NFIB: variants seen among roughly 807,000 people sequenced by gnomAD.
The protein encoded by NFIB is nuclear factor I B.
NFIB carries 11 observed loss-of-function variants against 61.5 expected under a neutral mutation model. That is an observed-to-expected ratio of 0.18 (90% CI 0.11 to 0.30). NFIB has a LOEUF of 0.30. Ranked by LOEUF, NFIB falls within the 10% of genes least tolerant of loss-of-function variation. The pLI, the probability that NFIB is intolerant of heterozygous loss-of-function variation, is 1.00. For missense variants in NFIB, 471 were observed against 608.9 expected, an observed-to-expected ratio of 0.77 and a Z score of 2.38; for synonymous variants, 260 against 216.5, an observed-to-expected ratio of 1.20 and a Z score of -1.76.
intron 1 of NFIB, among the ~76,000 whole-genome samples, chr9:14,395,778 T>G (rs2061678448): frequency 7.9e-6 from 1 of 126,828 alleles, no homozygotes; most frequent in South Asian, 2.9e-4. Flanking sequence ...CATCCCAGAA[T>G]GCCTCATTTG....
chr9:14,126,724 T>C (rs1440267206), intron 6 of NFIB, among the ~76,000 whole-genome samples: 1 of 152,314 alleles, frequency 6.6e-6, no homozygotes, highest in African/African-American at 2.4e-5. Flanking sequence ...AGAAACGCCA[T>C]AGATGGGCAA....
At chr9:14,142,313 T>C (rs1008631283) in intron 6 of NFIB, among the ~76,000 whole-genome samples, 3 of 152,158 alleles carry the variant, frequency 2.0e-5, no homozygotes, top group Non-Finnish European at 4.4e-5. Context: ...AGGAGTTCCC[T>C]GCACAAGCTC....
At chr9:14,267,641 G>A (rs1468801622) in intron 2 of NFIB, among the ~76,000 whole-genome samples, 4 of 152,024 alleles carry the variant, frequency 2.6e-5, no homozygotes, top group East Asian at 1.9e-4. Context: ...TAACACAATC[G>A]GAAATGACTT....
At chr9:14,182,708 C>CTCTCTCTGTGTGTGTGTGTGTG (rs778914837) in intron 2 of NFIB, among the ~76,000 whole-genome samples, 1 of 96,996 alleles carries the variant, frequency 1.0e-5, no homozygotes, top group African/African-American at 4.4e-5. Flanking sequence ...CTCTCTCTCT[C>CTCTCTCTGTGTGTGTGTGTGTG]TGTGTGTGTG....
intron 2 of NFIB, among the ~76,000 whole-genome samples, chr9:14,225,026 T>C (rs1476751791): frequency 6.6e-6 from 1 of 152,130 alleles, no homozygotes; most frequent in Non-Finnish European, 1.5e-5. Flanking sequence ...TCAAGGCTTA[T>C]TCATCCTACA....
chr9:14,493,665 T>C, the NFIB span, among the ~76,000 whole-genome samples: 2 of 152,218 alleles, frequency 1.3e-5, no homozygotes, highest in Non-Finnish European at 1.5e-5. Context: ...GTTTCTTGCA[T>C]GAATATTGAC....
the NFIB span, among the ~76,000 whole-genome samples, chr9:14,447,850 T>A: frequency 4.6e-5 from 7 of 152,216 alleles, no homozygotes; most frequent in South Asian, 2.1e-4. Context: ...AGGCTGAAAG[T>A]TCTTTTCTTT....
At chr9:14,404,141 G>A in the NFIB span, among the ~76,000 whole-genome samples, 19 of 152,252 alleles carry the variant, frequency 1.2e-4, no homozygotes, top group Non-Finnish European at 2.6e-4. Flanking sequence ...AACTAGGCAG[G>A]AGACACTCCT....
chr9:14,492,406 AAG>A, the NFIB span, among the ~76,000 whole-genome samples: 1 of 148,922 alleles, frequency 6.7e-6, no homozygotes, highest in Non-Finnish European at 1.5e-5. Flanking sequence ...AAAAAATAAA[AAG>A]AAATAAATAA....
rs138320550 is a variant in NFIB, at chr9:14,300,857, T to A, written c.562+6132A>T. 1.5e-4 allele frequency among the ~76,000 whole-genome samples: 23 copies of A among 152,300 alleles called. No individual in the cohort carries two copies. In the East Asian group the frequency reaches 4.4e-3, roughly 29 times the overall value. ...ATAGCCTACCAGTCTAGTTTTTCAG[T>A]TTAATCTGGCTGAGTGAGAGCTTAT... On this transcript the variant is annotated intron_variant, in intron 2 of 10. Transcript: ENST00000380953.
At chr9:14,408,217 C>A in the NFIB span, among the ~76,000 whole-genome samples, 1 of 152,160 alleles carries the variant, frequency 6.6e-6, no homozygotes, top group South Asian at 2.1e-4. Flanking sequence ...CCTCATGGAT[C>A]TGGAACTGGA....
intron 2 of NFIB, among the ~76,000 whole-genome samples, chr9:14,230,526 C>T (rs937300251): frequency 1.3e-5 from 2 of 152,094 alleles, no homozygotes; most frequent in Non-Finnish European, 2.9e-5. Flanking sequence ...TAGTCTATAT[C>T]CAAATGAACC....
At chr9:14,518,822 C>G in the NFIB span, among the ~76,000 whole-genome samples, 1 of 152,120 alleles carries the variant, frequency 6.6e-6, no homozygotes, top group African/African-American at 2.4e-5. Flanking sequence ...TCTCCAGGAA[C>G]CTCAGGCCAT....
intron 2 of NFIB, among the ~76,000 whole-genome samples, chr9:14,215,148 G>A (rs2050723994): frequency 7.0e-6 from 1 of 141,890 alleles, no homozygotes; most frequent in African/African-American, 3.1e-5. Context: ...GTGCTTAGCA[G>A]AGCAAGAAAT....
chr9:14,189,946 T>C (rs541698492), intron 2 of NFIB, among the ~76,000 whole-genome samples: 1 of 152,124 alleles, frequency 6.6e-6, no homozygotes, highest in Non-Finnish European at 1.5e-5. Context: ...TTTTTAAGTT[T>C]CTACAACCTC....
the NFIB span, among the ~76,000 whole-genome samples, chr9:14,500,094 A>C: frequency 2.6e-5 from 4 of 152,176 alleles, no homozygotes; most frequent in African/African-American, 7.2e-5. Context: ...CTCTCCTGCC[A>C]GTCACACTGG....
At chr9:14,292,595 C>T (rs1035955392) in intron 2 of NFIB, among the ~76,000 whole-genome samples, 2 of 152,170 alleles carry the variant, frequency 1.3e-5, no homozygotes, top group Non-Finnish European at 2.9e-5. Context: ...TAGGCCAATT[C>T]TCTTCCCTGA....
chr9:14,265,760 T>C (rs1177725508), intron 2 of NFIB, among the ~76,000 whole-genome samples: 1 of 152,198 alleles, frequency 6.6e-6, no homozygotes, highest in Non-Finnish European at 1.5e-5. Context: ...CATCAAGCAT[T>C]GAGCTACATG....
At chr9:14,204,089 C>G (rs923279199) in intron 2 of NFIB, among the ~76,000 whole-genome samples, 2 of 152,070 alleles carry the variant, frequency 1.3e-5, no homozygotes, top group Admixed American at 6.5e-5. Context: ...AAATGAAAAC[C>G]AAAAAATTAA....
Sources: allele counts gnomAD v4.1 joint callset (sites outside exome capture counted in the v4.1 genomes callset), GRCh38; gene constraint gnomAD v4.1.1; transcripts MANE v1.5; gene names NCBI Gene and HGNC (gene_info 2026-07-23, HGNC 2026-07-21).